DDX10: variants seen among roughly 807,000 people sequenced by gnomAD.
The protein encoded by DDX10 is probable ATP-dependent RNA helicase DDX10.
A neutral mutation model predicts 104.3 loss-of-function variants in DDX10; 74 were observed. The observed-to-expected ratio is 0.71, with a 90% CI of 0.59 to 0.86. The LOEUF is 0.86. Among genes scored for constraint, DDX10 ranks in the 40% least tolerant of loss-of-function variants. The pLI is 0.00. For synonymous variants in DDX10, 351 were observed against 353.4 expected (o/e 0.99, Z 0.08); for missense variants, 952 against 1,040.0 (o/e 0.92, Z 1.16).
intron 16 of DDX10, among the ~76,000 whole-genome samples, chr11:108,885,900 A>G (rs1863290712): frequency 6.6e-6 from 1 of 152,344 alleles, no homozygotes; most frequent in Middle Eastern, 3.4e-3. Flanking sequence ...ACTTTGAGGT[A>G]GAAAATCTTC....
rs2094276765 is a variant in DDX10, at chr11:108,706,774, T to A, written c.1259T>A (p.Leu420Gln). ...GATGGTGAAGCTTTGCTAATTTTGCTACCCTCAGAAAAAGCTATGGTGCAG... is the reference window on the plus strand; with the variant it reads ...GATGGTGAAGCTTTGCTAATTTTGCAACCCTCAGAAAAAGCTATGGTGCAG... ...KEDGEALLIL[L>Q]PSEKAMVQQL... Residue 420 changes from leucine to glutamine, a missense_variant, in exon 10 of 18, where the codon CTA (leucine) becomes CAA (glutamine). Physicochemically the swap from Leu to Gln is moderately radical, Grantham distance 113. This residue lies in a region of DDX10 where 533 missense variants were observed against 534.1 expected (regional missense o/e 1.00). Coordinates refer to ENST00000322536, the MANE Select transcript of DDX10 (RefSeq NM_004398.4). 1 of 1,614,124 alleles carries A rather than the reference T, an allele frequency of 6.2e-7. No individual in the cohort carries two copies. The highest frequency in any genetic ancestry group is 1.7e-5 in the Admixed American group (1 of 60,032).
rs1490606710 is a variant in DDX10, at chr11:108,767,594, T to C, written c.1965+44132T>C. On this transcript the variant is annotated intron_variant, in intron 13 of 17. Coordinates refer to ENST00000322536, the MANE Select transcript of DDX10 (RefSeq NM_004398.4). ...TTCACAACTGCAAATTTCAAACTTT[T>C]TAGTTTTCCTACTTAGATTCTGCTA... 2.0e-5 allele frequency among the ~76,000 whole-genome samples: 3 copies of C among 152,332 alleles called. No homozygotes were observed. The East Asian group carries it at 5.8e-4, about 29-fold the overall frequency.
intron 16 of DDX10, among the ~76,000 whole-genome samples, chr11:108,900,720 C>T (rs939187470): frequency 6.6e-6 from 1 of 152,158 alleles, no homozygotes; most frequent in African/African-American, 2.4e-5. Flanking sequence ...CCCAAGTTTG[C>T]CCCATACAGT....
intron 17 of DDX10, chr11:108,920,542 GA>G (rs1197714844): frequency 6.6e-6 from 1 of 152,116 alleles, no homozygotes; most frequent in Non-Finnish European, 1.5e-5. Flanking sequence ...CCTTCTAGAT[GA>G]AAAAACCAAG....
At chr11:108,696,797 G>T (rs2094260493) in intron 9 of DDX10, among the ~76,000 whole-genome samples, 1 of 151,904 alleles carries the variant, frequency 6.6e-6, no homozygotes, top group Admixed American at 6.6e-5. Flanking sequence ...TTTTAGATGT[G>T]CCAGTGGTAT....
At chr11:108,673,316 C>T (rs770124183) in intron 1 of DDX10, 151 bp from the exon 2 acceptor site, 32 of 615,098 alleles carry the variant, frequency 5.2e-5, no homozygotes, top group African/African-American at 3.0e-4. Context: ...GGGCATATTT[C>T]GTTACAGAAG....
At chr11:108,881,384 A>C (rs1336332903) in intron 16 of DDX10, among the ~76,000 whole-genome samples, 1 of 152,232 alleles carries the variant, frequency 6.6e-6, no homozygotes, top group Non-Finnish European at 1.5e-5. Flanking sequence ...GAGGTAAAGC[A>C]ATCTGGGAAA....
At chr11:108,846,218 G>T (rs183121521) in intron 15 of DDX10, among the ~76,000 whole-genome samples, 26 of 152,148 alleles carry the variant, frequency 1.7e-4, no homozygotes, top group African/African-American at 5.8e-4. Context: ...ATCAAATCAG[G>T]CTAATTAACA....
At chr11:108,912,799 C>T (rs1863697376) in intron 16 of DDX10, among the ~76,000 whole-genome samples, 1 of 152,190 alleles carries the variant, frequency 6.6e-6, no homozygotes. Context: ...GTTTCCTCTG[C>T]CCTATTGCTT....
At chr11:108,675,131 T>C (rs1447878488) in intron 2 of DDX10, among the ~76,000 whole-genome samples, 1 of 152,030 alleles carries the variant, frequency 6.6e-6, no homozygotes, top group Non-Finnish European at 1.5e-5. Context: ...TGTGTATGTG[T>C]ATGTATATAA....
At chr11:108,867,331 CAT>C (rs1401907792) in intron 16 of DDX10, among the ~76,000 whole-genome samples, 1 of 152,122 alleles carries the variant, frequency 6.6e-6, no homozygotes, top group African/African-American at 2.4e-5. Context: ...AGTATTTTTG[CAT>C]ATGCATTTAT....
chr11:108,921,014 A>G (rs1366112603), intron 17 of DDX10: 3 of 152,150 alleles, frequency 2.0e-5, no homozygotes, highest in African/African-American at 7.2e-5. Flanking sequence ...TTTTTTCTCT[A>G]TTCACTTCCA....
At chr11:108,842,801 T>A (rs1189514398) in intron 15 of DDX10, among the ~76,000 whole-genome samples, 1 of 152,220 alleles carries the variant, frequency 6.6e-6, no homozygotes, top group African/African-American at 2.4e-5. Flanking sequence ...TGTTTCAGCT[T>A]GCAATCTACT....
chr11:108,904,827 A>G (rs538676716), intron 16 of DDX10, among the ~76,000 whole-genome samples: 1 of 152,104 alleles, frequency 6.6e-6, no homozygotes, highest in East Asian at 1.9e-4. Flanking sequence ...TGGCTATTTT[A>G]TGAATTATTG....
chr11:108,864,616 C>T (rs1486381166), intron 16 of DDX10, among the ~76,000 whole-genome samples: 5 of 151,860 alleles, frequency 3.3e-5, no homozygotes, highest in Non-Finnish European at 7.4e-5. Context: ...TGGAACCACA[C>T]CTGGATAATT....
chr11:108,724,373 G>T (rs1475376166), intron 13 of DDX10, among the ~76,000 whole-genome samples: 1 of 151,892 alleles, frequency 6.6e-6, no homozygotes, highest in African/African-American at 2.4e-5. Context: ...TTTAGTGCTT[G>T]AAATAAAGGT....
At chr11:108,792,058 C>T (rs987768436) in intron 13 of DDX10, among the ~76,000 whole-genome samples, 9 of 152,224 alleles carry the variant, frequency 5.9e-5, no homozygotes, top group African/African-American at 1.9e-4. Context: ...ATCCTTCATG[C>T]GTTTACCTTT....
chr11:108,840,313 T>C (rs1309551661), intron 14 of DDX10, among the ~76,000 whole-genome samples: 1 of 152,202 alleles, frequency 6.6e-6, no homozygotes, highest in Non-Finnish European at 1.5e-5. Flanking sequence ...CATTAATACC[T>C]GCGATGTGTG....
At position 108,723,207 on chromosome 11, in the gene DDX10, G is replaced by A. The variant is rs991760678; in HGVS notation, c.1710G>A (p.Glu570=). The change falls in exon 13 of 18, where the codon GAG becomes GAA. Residue 570 remains glutamate, a synonymous_variant. Coordinates refer to ENST00000322536, the MANE Select transcript of DDX10 (RefSeq NM_004398.4). ...GTGGAAAAAGACTCGAAGGGACAGA[G>A]CACAGACAGGATAATGATACTGGTA... ...QKGGKRLEGT[E]HRQDNDTGNE... The A allele has an allele frequency of 1.9e-6, 3 of 1,613,748 alleles. No homozygotes were observed. Among genetic ancestry groups the A allele is most frequent in the African/African-American group, 1.3e-5 (1 of 75,040 alleles).
Sources: gnomAD v4.1 joint callset for allele counts (sites outside exome capture counted in the v4.1 genomes callset) on GRCh38, gnomAD v4.1.1 for gene constraint, gnomAD v4.1.1 regional missense constraint, MANE v1.5 for transcripts, NCBI Gene and HGNC (gene_info 2026-07-23, HGNC 2026-07-21) for gene names.